VTI1A: variants seen among roughly 807,000 people sequenced by gnomAD.
VTI1A encodes vesicle transport through interaction with t-SNAREs homolog 1A.
Under a neutral mutation model 34.9 loss-of-function variants are expected in VTI1A, and 22 were observed. The ratio of observed to expected loss-of-function variants is 0.63; its 90% CI spans 0.45 to 0.90. VTI1A has a LOEUF of 0.90. VTI1A is among the 40% of genes least tolerant of loss of function. The probability of loss-of-function intolerance (pLI) is 0.00; values close to 1 mark genes in which losing one functional copy is unlikely to be tolerated. For missense variants in VTI1A, 268 were observed against 275.6 expected (o/e 0.97, Z 0.20); for synonymous variants, 87 against 97.3 (o/e 0.89, Z 0.62).
intron 3 of VTI1A, among the ~76,000 whole-genome samples, chr10:112,522,589 A>G (rs894321737): frequency 2.6e-5 from 4 of 152,106 alleles, no homozygotes; most frequent in Non-Finnish European, 5.9e-5. Context: ...TGTTAGAAAC[A>G]GATTGTCTTC....
chr10:112,808,146 C>T (rs964111592), intron 7 of VTI1A, among the ~76,000 whole-genome samples: 9 of 150,664 alleles, frequency 6.0e-5, no homozygotes, highest in African/African-American at 1.5e-4. Context: ...TGAGTCCAAG[C>T]GTTCAAGGCT....
At chr10:112,452,872 A>G (rs1405129759) in intron 1 of VTI1A, among the ~76,000 whole-genome samples, 1 of 152,108 alleles carries the variant, frequency 6.6e-6, no homozygotes, top group Non-Finnish European at 1.5e-5. Flanking sequence ...AATATGGTAC[A>G]TTTGTTACAG....
the VTI1A span, among the ~76,000 whole-genome samples, chr10:112,854,484 C>G: frequency 1.9e-4 from 29 of 152,166 alleles, no homozygotes; most frequent in African/African-American, 7.0e-4. Flanking sequence ...CCACCATGAC[C>G]CCCACTTACA....
chr10:112,686,717 T>C (rs1848430865), intron 7 of VTI1A, among the ~76,000 whole-genome samples: 1 of 152,230 alleles, frequency 6.6e-6, no homozygotes. Flanking sequence ...CTATATGCTC[T>C]GGACAGAATG....
chr10:112,699,424 G>A (rs1440316576), intron 7 of VTI1A, among the ~76,000 whole-genome samples: 1 of 152,238 alleles, frequency 6.6e-6, no homozygotes, highest in Non-Finnish European at 1.5e-5. Flanking sequence ...GGAGAGCTGA[G>A]AAAAATAGTA....
At chr10:112,453,537 T>C (rs184302426) in intron 1 of VTI1A, among the ~76,000 whole-genome samples, 279 of 152,368 alleles carry the variant, frequency 1.8e-3, no homozygotes, top group African/African-American at 6.4e-3. Context: ...ACCTATTTTA[T>C]CCTTTGTGTT....
At chr10:112,746,968 T>C (rs1850918644) in intron 7 of VTI1A, among the ~76,000 whole-genome samples, 1 of 152,206 alleles carries the variant, frequency 6.6e-6, no homozygotes, top group Non-Finnish European at 1.5e-5. Context: ...CCTCTGGGGC[T>C]ATTTCAATTT....
chr10:112,651,038 C>T (rs1227665326), intron 5 of VTI1A, among the ~76,000 whole-genome samples: 1 of 152,084 alleles, frequency 6.6e-6, no homozygotes, highest in Non-Finnish European at 1.5e-5. Context: ...ATTGTTTCTT[C>T]TCTTCCTGTT....
At chr10:112,489,643 C>T (rs954985608) in intron 3 of VTI1A, among the ~76,000 whole-genome samples, 1 of 152,120 alleles carries the variant, frequency 6.6e-6, no homozygotes, top group Admixed American at 6.5e-5. Context: ...GAGTAAAACT[C>T]AGTTCCCAGC....
intron 5 of VTI1A, among the ~76,000 whole-genome samples, chr10:112,613,391 G>C (rs148115239): frequency 2.5e-4 from 38 of 152,078 alleles, no homozygotes; most frequent in Non-Finnish European, 4.7e-4. Flanking sequence ...CACTTCTTAT[G>C]TTGGTATGGC....
intron 5 of VTI1A, among the ~76,000 whole-genome samples, chr10:112,598,133 C>T (rs906058969): frequency 1.3e-5 from 2 of 152,200 alleles, no homozygotes; most frequent in Non-Finnish European, 2.9e-5. Context: ...TATCTAGCTT[C>T]GTTCTTCAGA....
At chr10:112,496,937 C>T (rs1564800960) in intron 3 of VTI1A, among the ~76,000 whole-genome samples, 1 of 152,074 alleles carries the variant, frequency 6.6e-6, no homozygotes, top group Non-Finnish European at 1.5e-5. Flanking sequence ...AACAAGCTAG[C>T]TATTCTTTCT....
chr10:112,538,334 A>T lies in VTI1A; in HGVS notation c.427+4A>T. ...TACCAAATAGCAGTGGAAACCGGTA[A>T]GAATTCTGAGAGTGAGCAAATTGTC... On this transcript the variant is annotated splice_donor_region_variant and intron_variant, in intron 5 of 7. Transcript: ENST00000393077. 6.2e-7 allele frequency: 1 copy of T among 1,613,390 alleles called. No individual in the cohort carries two copies. Among genetic ancestry groups the T allele is most frequent in the Non-Finnish European group, 8.5e-7 (1 of 1,179,446 alleles).
intron 7 of VTI1A, among the ~76,000 whole-genome samples, chr10:112,719,734 C>T (rs1455006556): frequency 2.0e-5 from 3 of 152,200 alleles, no homozygotes; most frequent in South Asian, 2.1e-4. Context: ...TTAGTAGAGA[C>T]GGGGTTTCTC....
chr10:112,608,048 A>C (rs1239859004), intron 5 of VTI1A, among the ~76,000 whole-genome samples: 1 of 152,148 alleles, frequency 6.6e-6, no homozygotes, highest in Non-Finnish European at 1.5e-5. Flanking sequence ...ACAACGTGGG[A>C]GGGACTACAT....
intron 7 of VTI1A, among the ~76,000 whole-genome samples, chr10:112,704,651 C>A (rs1849130050): frequency 6.6e-6 from 1 of 152,114 alleles, no homozygotes; most frequent in Non-Finnish European, 1.5e-5. Flanking sequence ...AGTGTTTCAA[C>A]CACTTGTTTA....
chr10:112,647,318 G>A (rs1225691002), intron 5 of VTI1A, among the ~76,000 whole-genome samples: 4 of 152,184 alleles, frequency 2.6e-5, no homozygotes, highest in Non-Finnish European at 5.9e-5. Context: ...TGAAAGACCT[G>A]TAGAGTGGGG....
chr10:112,811,638 T>A (rs1031258619), intron 7 of VTI1A, among the ~76,000 whole-genome samples: 3 of 134,996 alleles, frequency 2.2e-5, no homozygotes, highest in African/African-American at 8.7e-5. Flanking sequence ...GAGCCGAGAT[T>A]GCGCCACTGC....
chr10:112,745,665 C>T (rs1296971405), intron 7 of VTI1A, among the ~76,000 whole-genome samples: 4 of 152,230 alleles, frequency 2.6e-5, no homozygotes, highest in Middle Eastern at 3.2e-3. Context: ...CTCACAGCCA[C>T]ACCGATGCTG....
Sources: gnomAD v4.1 joint callset for allele counts (sites outside exome capture counted in the v4.1 genomes callset) on GRCh38, gnomAD v4.1.1 for gene constraint, MANE v1.5 for transcripts, NCBI Gene and HGNC (gene_info 2026-07-23, HGNC 2026-07-21) for gene names.